The following NEK4 variants were observed in gnomAD, a reference collection of about 807,000 sequenced individuals.
NEK4 encodes the protein serine/threonine-protein kinase Nek4.
In NEK4, 86 loss-of-function variants were observed where a neutral mutation model predicts 98.4. The observed-to-expected ratio is 0.87, with a 90% CI of 0.73 to 1.05. The LOEUF is 1.05. Ranked by LOEUF, NEK4 falls within the 50% of genes least tolerant of loss-of-function variation. NEK4 has a pLI of 0.00. For synonymous variants in NEK4, 328 were observed against 342.2 expected (o/e 0.96, Z 0.46); for missense variants, 898 against 950.3 (o/e 0.94, Z 0.72).
At chr3:52,731,463 G>A (rs899161378) in intron 15 of NEK4, among the ~76,000 whole-genome samples, 1 of 152,236 alleles carries the variant, frequency 6.6e-6, no homozygotes. Flanking sequence ...CATAAGGATA[G>A]ATATATAGAT....
chr3:52,741,295 C>T lies in NEK4; in HGVS notation c.2093+116G>A, dbSNP rs2097385646. 4 of 570,458 alleles carry T rather than the reference C, an allele frequency of 7.0e-6. No homozygotes were observed. The East Asian group carries it at 1.3e-4, about 18-fold the overall frequency. 35.3% of individuals were successfully genotyped at this position (570,458 alleles called of 1,614,324 possible). Reference sequence around the variant, plus strand: ...TTTAGCTCCAGCATATGCCACAAACCATTTATAATTTTATCAGTGGGAATA... The same window carrying T: ...TTTAGCTCCAGCATATGCCACAAACTATTTATAATTTTATCAGTGGGAATA... On this transcript the variant is annotated intron_variant, in intron 13 of 15. Coordinates refer to ENST00000233027, the MANE Select transcript of NEK4 (RefSeq NM_003157.6).
chr3:52,760,694 C>A, intron 6 of NEK4, 101 bp downstream of exon 6: 3 of 811,256 alleles, frequency 3.7e-6, no homozygotes, highest in Non-Finnish European at 6.2e-6. Flanking sequence ...ACAACAGAAT[C>A]TCTAGTAAAG....
At position 52,733,536 on chromosome 3, in the gene NEK4, T is replaced by G. The variant is rs1049550075; in HGVS notation, c.2433+4050A>C. ...CTGCAGAAAAACCTTACACACGTAATGAATGTGGCAAGGTCTTTGGTCAAT... is the reference window on the plus strand; with the variant it reads ...CTGCAGAAAAACCTTACACACGTAAGGAATGTGGCAAGGTCTTTGGTCAAT... On this transcript the variant is annotated intron_variant, in intron 15 of 15. Coordinates refer to ENST00000233027, the MANE Select transcript of NEK4 (RefSeq NM_003157.6). 4 of 496,880 alleles carry G rather than the reference T, an allele frequency of 8.1e-6. No individual in the cohort carries two copies. In the East Asian group the frequency reaches 2.2e-4, roughly 27 times the overall value. The allele number at this position is 496,880 out of a possible 1,614,324, so 30.8% of individuals were successfully genotyped here.
chr3:52,760,730 T>C (rs1447324692), intron 6 of NEK4, 65 bp downstream of exon 6: 6 of 1,052,992 alleles, frequency 5.7e-6, no homozygotes, highest in African/African-American at 1.6e-5. Flanking sequence ...CAAAATAATT[T>C]GCTTAGATGG....
rs938350247 is a variant in NEK4 at position 52,770,843 on chromosome 3, T to C, written c.-97A>G. On this transcript the variant is annotated 5_prime_UTR_variant, in exon 1 of 16. Transcript: ENST00000233027. ...TCGGTTCATGCCCGAGAGGGGGCAG[T>C]GGGGGCGGCTGTTGAGGCAGCCGGG... is the stretch of plus-strand genomic sequence containing the variant. 1.5e-5 allele frequency: 17 copies of C among 1,098,784 alleles called. No individual in the cohort carries two copies. The South Asian group carries it at 1.9e-4, about 12-fold the overall frequency. 68.1% of individuals were successfully genotyped at this position (1,098,784 alleles called of 1,614,324 possible). A position where few individuals can be genotyped will look rare whatever the true frequency, so the allele number is the denominator to read the frequency against.
chr3:52,756,647 ACT>A (rs2097415618), intron 6 of NEK4, among the ~76,000 whole-genome samples: 1 of 152,106 alleles, frequency 6.6e-6, no homozygotes. Context: ...AAACTATAAA[ACT>A]CTCAGAAGAA....
At chr3:52,741,661 A>G (rs2097386438) in intron 12 of NEK4, among the ~76,000 whole-genome samples, 162 bp from the exon 13 acceptor site, 1 of 152,242 alleles carries the variant, frequency 6.6e-6, no homozygotes, top group Admixed American at 6.5e-5. Context: ...GATTTGTGGC[A>G]AAAAGAAAAA....
intron 6 of NEK4, among the ~76,000 whole-genome samples, chr3:52,760,031 G>A (rs1344619284): frequency 6.6e-6 from 1 of 152,176 alleles, no homozygotes; most frequent in African/African-American, 2.4e-5. Flanking sequence ...ATAGAGACAG[G>A]AAACACACTG....
At chr3:52,755,637 G>T (rs899496077) in intron 6 of NEK4, among the ~76,000 whole-genome samples, 4 of 151,952 alleles carry the variant, frequency 2.6e-5, no homozygotes, top group African/African-American at 9.7e-5. Context: ...AACAAGGCAA[G>T]AATGCCTGTT....
chr3:52,758,464 A>G (rs1439228317), intron 6 of NEK4, among the ~76,000 whole-genome samples: 2 of 152,096 alleles, frequency 1.3e-5, no homozygotes, highest in Non-Finnish European at 1.5e-5. Flanking sequence ...CAACCTAAAT[A>G]TAAGAGCTAA....
chr3:52,767,344 G>C (rs1698605222), intron 2 of NEK4, among the ~76,000 whole-genome samples: 1 of 152,002 alleles, frequency 6.6e-6, no homozygotes, highest in Non-Finnish European at 1.5e-5. Flanking sequence ...AAAGTCAGAC[G>C]CACAGTCCTC....
intron 2 of NEK4, among the ~76,000 whole-genome samples, chr3:52,767,148 T>C (rs370348751): frequency 6.6e-6 from 1 of 151,216 alleles, no homozygotes; most frequent in Non-Finnish European, 1.5e-5. Flanking sequence ...TAGCTGGGCA[T>C]GGTGACGCAC....
At chr3:52,764,354 G>A (rs188219582) in intron 4 of NEK4, among the ~76,000 whole-genome samples, 137 of 150,872 alleles carry the variant, frequency 9.1e-4, no homozygotes, top group Middle Eastern at 6.9e-3. Context: ...GACTTGGGCC[G>A]GGTGCAGTGG....
At chr3:52,737,363 G>A (rs1037735677) in intron 15 of NEK4, 12 of 448,752 alleles carry the variant, frequency 2.7e-5, no homozygotes, top group East Asian at 9.8e-5. Context: ...TTGGCAGTGC[G>A]GACCATGGGG....
In NEK4 at chr3:52,726,563, C is replaced by G. The variant is rs188924763; in HGVS notation, c.2433+11023G>C. 5.3e-3 allele frequency among the ~76,000 whole-genome samples: 796 copies of G among 148,862 alleles called. 12 individuals carry two copies. In the South Asian group the frequency reaches 0.063, roughly 12 times the overall value. On this transcript the variant is annotated intron_variant, in intron 15 of 15. Transcript: ENST00000233027. Reference sequence around the variant, plus strand: ...GCAGTGAGCTGAGATCACACCACTGCACTCCAGCCTGGGCAACAGAGCAAG... The same window carrying G: ...GCAGTGAGCTGAGATCACACCACTGGACTCCAGCCTGGGCAACAGAGCAAG...
chr3:52,741,563 C>G, intron 12 of NEK4, 64 bp from the exon 13 acceptor site: 1 of 1,013,400 alleles, frequency 9.9e-7, no homozygotes, highest in Non-Finnish European at 1.6e-6. Flanking sequence ...GATACTTGAA[C>G]CAGTCTTAGA....
chr3:52,769,221 C>CA (rs1698693871), intron 1 of NEK4, among the ~76,000 whole-genome samples: 2 of 150,758 alleles, frequency 1.3e-5, no homozygotes, highest in Admixed American at 6.6e-5. Flanking sequence ...GACTCTGTCT[C>CA]AAAAAAAATA....
At position 52,752,167 on chromosome 3, in the gene NEK4, A is replaced by C; in HGVS notation, c.1133T>G (p.Val378Gly). 3 of 1,614,088 alleles carry C rather than the reference A, an allele frequency of 1.9e-6. No individual in the cohort carries two copies. Among genetic ancestry groups the C allele is most frequent in the Non-Finnish European group, 2.5e-6 (3 of 1,180,010 alleles). Residue 378 changes from valine to glycine, a missense_variant, in exon 7 of 16, where the codon GTG becomes GGG. Transcript: ENST00000233027. ...DILPAKGRDS[V>G]SDGFVQENQP... ...ATTCTCCTGAACAAAGCCATCACTC[A>C]CTGAATCCCTCCCTTTTGCAGGTAA...
At chr3:52,760,543 T>C (rs1698316930) in intron 6 of NEK4, among the ~76,000 whole-genome samples, 1 of 152,250 alleles carries the variant, frequency 6.6e-6, no homozygotes, top group Non-Finnish European at 1.5e-5. Flanking sequence ...AAATGGTTAA[T>C]TTTGTTATAT....
Sources: gnomAD v4.1 joint callset for allele counts (sites outside exome capture counted in the v4.1 genomes callset) on GRCh38, gnomAD v4.1.1 for gene constraint, MANE v1.5 for transcripts, NCBI Gene and HGNC (gene_info 2026-07-23, HGNC 2026-07-21) for gene names.